The following HNF1B variants were observed in gnomAD, a reference collection of about 807,000 sequenced individuals.
HNF1B encodes hepatocyte nuclear factor 1-beta.
Under a neutral mutation model 61.7 loss-of-function variants are expected in HNF1B, and 8 were observed. The observed-to-expected ratio is 0.13, with a 90% confidence interval of 0.08 to 0.23. The LOEUF (loss-of-function observed/expected upper bound fraction) is 0.23. HNF1B is among the 10% of genes least tolerant of loss of function. The pLI, the probability that HNF1B is intolerant of heterozygous loss-of-function variation, is 1.00. For synonymous variants in HNF1B, 314 were observed against 287.7 expected (o/e 1.09, Z -0.93); for missense variants, 562 against 714.5 (o/e 0.79, Z 2.43).
chr17:37,719,395 G>C (rs2033232417), intron 4 of HNF1B, among the ~76,000 whole-genome samples: 1 of 152,208 alleles, frequency 6.6e-6, no homozygotes, highest in Non-Finnish European at 1.5e-5. Context: ...CTACTGGGTT[G>C]ATTTGGGGAT....
intron 4 of HNF1B, chr17:37,730,502 T>A (rs777740091): frequency 7.2e-5 from 11 of 152,216 alleles, no homozygotes; most frequent in Non-Finnish European, 1.6e-4. Flanking sequence ...GAGGCAGTGC[T>A]ATGGGAGGGC....
chr17:37,725,027 A>G (rs543827275), intron 4 of HNF1B, among the ~76,000 whole-genome samples: 195 of 152,192 alleles, frequency 1.3e-3, no homozygotes, highest in Non-Finnish European at 1.9e-3. Flanking sequence ...AGGTAGAGGC[A>G]TAAAGCCAGA....
intron 8 of HNF1B, among the ~76,000 whole-genome samples, chr17:37,690,710 A>G (rs558585441): frequency 5.4e-4 from 82 of 152,342 alleles, no homozygotes; most frequent in African/African-American, 1.7e-3. Flanking sequence ...GAAATGGAGA[A>G]GCCCATGGGG....
At chr17:37,724,533 A>G (rs991022937) in intron 4 of HNF1B, among the ~76,000 whole-genome samples, 1 of 152,220 alleles carries the variant, frequency 6.6e-6, no homozygotes, top group African/African-American at 2.4e-5. Context: ...CCCACAAGCT[A>G]AGAATGGGTT....
chr17:37,733,272 A>G (rs1010640899), intron 3 of HNF1B, among the ~76,000 whole-genome samples: 2 of 152,208 alleles, frequency 1.3e-5, no homozygotes, highest in Non-Finnish European at 1.5e-5. Context: ...CGAAGATTCC[A>G]TAGTTAACAA....
intron 8 of HNF1B, among the ~76,000 whole-genome samples, chr17:37,688,707 C>T (rs2032077054): frequency 6.6e-6 from 1 of 152,170 alleles, no homozygotes; most frequent in African/African-American, 2.4e-5. Context: ...CTCTGTGCCT[C>T]AGTTTCTTCC....
At chr17:37,691,955 G>T (rs754513991) in intron 8 of HNF1B, among the ~76,000 whole-genome samples, 2 of 152,162 alleles carry the variant, frequency 1.3e-5, no homozygotes, top group Non-Finnish European at 2.9e-5. Flanking sequence ...GTCAAGCAGC[G>T]GGGAGAGAAC....
chr17:37,726,938 G>A (rs1393143413), intron 4 of HNF1B, among the ~76,000 whole-genome samples: 5 of 152,118 alleles, frequency 3.3e-5, no homozygotes, highest in African/African-American at 9.7e-5. Context: ...GTGGGAGAGC[G>A]GAGGCTGATG....
chr17:37,732,349 T>C (rs1481715460), intron 3 of HNF1B, among the ~76,000 whole-genome samples: 2 of 152,182 alleles, frequency 1.3e-5, no homozygotes, highest in African/African-American at 4.8e-5. Context: ...TGCATTGAGA[T>C]GGCCAGTCTC....
At chr17:37,694,410 G>A (rs999043727) in intron 8 of HNF1B, among the ~76,000 whole-genome samples, 9 of 105,208 alleles carry the variant, frequency 8.6e-5, no homozygotes, top group East Asian at 6.8e-4. Context: ...TGGGCAACAA[G>A]AGCAAAACTC....
chr17:37,708,298 G>A (rs2032817582), intron 5 of HNF1B, among the ~76,000 whole-genome samples: 1 of 152,210 alleles, frequency 6.6e-6, no homozygotes, highest in South Asian at 2.1e-4. Context: ...TAGGGTGTTG[G>A]AGACAAGAGA....
chr17:37,731,844 G>A lies in HNF1B; in HGVS notation c.810-14C>T, dbSNP rs753883846. On this transcript the variant is annotated splice_polypyrimidine_tract_variant and intron_variant, in intron 3 of 8. Transcript: ENST00000617811. ...AAACATTCTGCCCTGGGAATGGATG[G>A]AGGGGAGATGGTGAGTGAGGGGGGG... 70 of 1,546,002 alleles carry A rather than the reference G, an allele frequency of 4.5e-5. No homozygotes were observed. In the South Asian group the frequency reaches 6.4e-4, roughly 14 times the overall value.
At chr17:37,692,913 G>A (rs1256968179) in intron 8 of HNF1B, among the ~76,000 whole-genome samples, 2 of 152,060 alleles carry the variant, frequency 1.3e-5, no homozygotes, top group African/African-American at 2.4e-5. Flanking sequence ...TCACTAGGCC[G>A]GGTCCAGTGG....
chr17:37,742,201 T>G lies in HNF1B; in HGVS notation c.344+2340A>C, dbSNP rs560501317. Among the ~76,000 whole-genome samples, 4 of 152,346 alleles carry G rather than the reference T, an allele frequency of 2.6e-5. No individual in the cohort carries two copies. In the South Asian group the frequency reaches 8.3e-4, roughly 32 times the overall value. On this transcript the variant is annotated intron_variant, in intron 1 of 8. Transcript: ENST00000617811. ...CAGAGAAGCCTGGACTCCAGCGCAG[T>G]CCGCAGCGCGTTCGTTAAGGAGCCC...
intron 5 of HNF1B, among the ~76,000 whole-genome samples, chr17:37,709,294 G>A (rs1034863212): frequency 1.3e-5 from 2 of 152,120 alleles, no homozygotes; most frequent in African/African-American, 4.8e-5. Flanking sequence ...TCACTCTGTT[G>A]CCCAGGCTGG....
At chr17:37,731,278 A>G in intron 4 of HNF1B, 2 of 509,716 alleles carry the variant, frequency 3.9e-6, no homozygotes, top group Non-Finnish European at 7.2e-6. Flanking sequence ...GCCCACCCAT[A>G]AGGCAGCCTC....
chr17:37,714,760 G>A (rs907655137), intron 4 of HNF1B, among the ~76,000 whole-genome samples: 6 of 152,174 alleles, frequency 3.9e-5, no homozygotes, highest in East Asian at 1.9e-4. Flanking sequence ...GCATGGCACA[G>A]GTGCATGGTT....
intron 6 of HNF1B, among the ~76,000 whole-genome samples, chr17:37,701,977 G>A (rs2032586462): frequency 6.6e-6 from 1 of 152,144 alleles, no homozygotes; most frequent in Admixed American, 6.6e-5. Context: ...TAGAACCCGG[G>A]CCAGCACTCT....
intron 7 of HNF1B, among the ~76,000 whole-genome samples, chr17:37,699,796 T>C (rs2032504188): frequency 6.6e-6 from 1 of 152,118 alleles, no homozygotes; most frequent in Non-Finnish European, 1.5e-5. Flanking sequence ...GAATGTGAGA[T>C]GGTGCTCAGA....
Sources: allele counts gnomAD v4.1 joint callset (sites outside exome capture counted in the v4.1 genomes callset), GRCh38; gene constraint gnomAD v4.1.1; transcripts MANE v1.5; gene names NCBI Gene and HGNC (gene_info 2026-07-23, HGNC 2026-07-21).